The following SLC39A8 variants were observed in gnomAD, a reference collection of about 807,000 sequenced individuals.
SLC39A8 encodes solute carrier family 39 member 8.
Under a neutral mutation model 40.4 loss-of-function variants are expected in SLC39A8, and 15 were observed. That is an observed-to-expected ratio of 0.37 (90% CI 0.25 to 0.57). The LOEUF (loss-of-function observed/expected upper bound fraction) is 0.57, where lower values mean the gene tolerates loss of function less well. Among genes scored for constraint, SLC39A8 ranks in the 20% least tolerant of loss-of-function variants. The pLI, the probability that SLC39A8 is intolerant of heterozygous loss-of-function variation, is 0.75. For missense variants in SLC39A8, 472 were observed against 558.8 expected (o/e 0.84, Z 1.57); for synonymous variants, 223 against 221.6 (o/e 1.01, Z -0.06).
At chr4:102,337,367 A>T (rs1735717126) in intron 2 of SLC39A8, among the ~76,000 whole-genome samples, 1 of 152,150 alleles carries the variant, frequency 6.6e-6, no homozygotes, top group African/African-American at 2.4e-5. Flanking sequence ...AATATATCCC[A>T]AGATAAGAAT....
chr4:102,316,928 C>G (rs1196122195), intron 2 of SLC39A8, among the ~76,000 whole-genome samples: 1 of 152,176 alleles, frequency 6.6e-6, no homozygotes, highest in Admixed American at 6.6e-5. Context: ...CTCACTTGCT[C>G]TTTCTCTGCT....
chr4:102,288,611 AAGG>A (rs1194785693), intron 6 of SLC39A8, among the ~76,000 whole-genome samples: 1 of 152,160 alleles, frequency 6.6e-6, no homozygotes, highest in African/African-American at 2.4e-5. Flanking sequence ...TGTGAATGCA[AAGG>A]AGAACTTCTT....
At chr4:102,274,663 G>A (rs1732533112) in intron 6 of SLC39A8, among the ~76,000 whole-genome samples, 2 of 152,292 alleles carry the variant, frequency 1.3e-5, no homozygotes, top group South Asian at 2.1e-4. Context: ...GATTCACCAA[G>A]GTTGGAATGC....
downstream of SLC39A8, among the ~76,000 whole-genome samples, chr4:102,258,298 A>G (rs1240593366): frequency 6.6e-6 from 1 of 152,028 alleles, no homozygotes; most frequent in African/African-American, 2.4e-5. Flanking sequence ...GTATATTAAC[A>G]TGCAGTTCTC....
chr4:102,341,589 C>T (rs1735943975), intron 2 of SLC39A8, among the ~76,000 whole-genome samples: 1 of 152,174 alleles, frequency 6.6e-6, no homozygotes, highest in Non-Finnish European at 1.5e-5. Flanking sequence ...GCTCCCTCTT[C>T]TTTGTTGTTT....
exon 12 of SLC39A8, chr4:102,252,494 C>T (rs905288131): frequency 1.3e-5 from 2 of 152,302 alleles, no homozygotes; most frequent in African/African-American, 2.4e-5. Context: ...CAAAAAGGAA[C>T]ACTGGGGAGG....
intron 11 of SLC39A8, among the ~76,000 whole-genome samples, chr4:102,254,694 A>G (rs1731670075): frequency 6.6e-6 from 1 of 152,234 alleles, no homozygotes; most frequent in African/African-American, 2.4e-5. Flanking sequence ...CATATCCTAC[A>G]TTAAACATCT....
At chr4:102,304,545 A>G (rs1331191105) in intron 5 of SLC39A8, 64 bp from the exon 6 acceptor site, 15 of 1,367,424 alleles carry the variant, frequency 1.1e-5, no homozygotes, top group Middle Eastern at 1.9e-4. Context: ...CAGACAAGGA[A>G]ATAGAGTTTA....
chr4:102,301,252 G>A (rs1733912154), intron 6 of SLC39A8, among the ~76,000 whole-genome samples: 1 of 151,956 alleles, frequency 6.6e-6, no homozygotes, highest in East Asian at 1.9e-4. Context: ...CATTGATGTG[G>A]GGAAGTCCAC....
At chr4:102,310,382 CTG>C (rs1228050746) in intron 3 of SLC39A8, among the ~76,000 whole-genome samples, 1 of 152,126 alleles carries the variant, frequency 6.6e-6, no homozygotes, top group Non-Finnish European at 1.5e-5. Flanking sequence ...ATCATATAAA[CTG>C]TGTGATTCTC....
chr4:102,259,867 A>G (rs1041884996), downstream of SLC39A8, among the ~76,000 whole-genome samples: 1 of 152,220 alleles, frequency 6.6e-6, no homozygotes, highest in African/African-American at 2.4e-5. Flanking sequence ...TAGTTTCATA[A>G]TTCTGGATGT....
At chr4:102,313,533 T>C (rs1734534394) in intron 3 of SLC39A8, among the ~76,000 whole-genome samples, 1 of 152,124 alleles carries the variant, frequency 6.6e-6, no homozygotes, top group Non-Finnish European at 1.5e-5. Context: ...TTCTTCTCTA[T>C]CTTTACTCTC....
intron 2 of SLC39A8, among the ~76,000 whole-genome samples, chr4:102,326,268 T>G (rs1441445220): frequency 1.3e-5 from 2 of 152,146 alleles, no homozygotes; most frequent in Non-Finnish European, 2.9e-5. Context: ...CCACAAGAAA[T>G]GAGTGCACCT....
intron 6 of SLC39A8, among the ~76,000 whole-genome samples, chr4:102,293,789 T>C (rs1305650430): frequency 3.9e-5 from 6 of 151,934 alleles, no homozygotes; most frequent in Admixed American, 6.6e-5. Context: ...CACAATGATA[T>C]TGATATGGAA....
At chr4:102,286,662 G>A (rs747345673) in intron 6 of SLC39A8, among the ~76,000 whole-genome samples, 1 of 151,998 alleles carries the variant, frequency 6.6e-6, no homozygotes, top group Non-Finnish European at 1.5e-5. Context: ...GAAGCTTTAG[G>A]TGCAATCTTG....
rs577059138 is a variant in SLC39A8, at chr4:102,281,842, C to G, written c.841-13763G>C. Among the ~76,000 whole-genome samples, 19 of 152,238 alleles carry G rather than the reference C, an allele frequency of 1.2e-4. No individual in the cohort carries two copies. The East Asian group carries it at 3.7e-3, about 29-fold the overall frequency. On this transcript the variant is annotated intron_variant, in intron 6 of 8. Transcript: ENST00000356736. ...CTCTGAAAGCTGTCACTGTGCCACT[C>G]TAAAGATGTGCTGACCCGTTTAAGA...
At chr4:102,290,492 A>G (rs1349354526) in intron 6 of SLC39A8, among the ~76,000 whole-genome samples, 2 of 152,098 alleles carry the variant, frequency 1.3e-5, no homozygotes, top group Non-Finnish European at 2.9e-5. Flanking sequence ...AAAGAAGCAG[A>G]CTACTTTCAT....
At chr4:102,294,268 C>T (rs1733588732) in intron 6 of SLC39A8, among the ~76,000 whole-genome samples, 1 of 151,998 alleles carries the variant, frequency 6.6e-6, no homozygotes, top group Non-Finnish European at 1.5e-5. Context: ...GAGGTCTCTT[C>T]TCAACCAGAC....
intron 2 of SLC39A8, among the ~76,000 whole-genome samples, chr4:102,325,036 A>G (rs1735134760): frequency 6.6e-6 from 1 of 152,078 alleles, no homozygotes; most frequent in African/African-American, 2.4e-5. Flanking sequence ...AAGGCACTCA[A>G]GTTTCACTTC....
Sources: allele counts gnomAD v4.1 joint callset (sites outside exome capture counted in the v4.1 genomes callset), GRCh38; gene constraint gnomAD v4.1.1; transcripts MANE v1.5; gene names NCBI Gene and HGNC (gene_info 2026-07-23, HGNC 2026-07-21).